The following ME3 variants were observed in gnomAD, a reference collection of about 807,000 sequenced individuals.
The protein encoded by ME3 is NADP-dependent malic enzyme, mitochondrial.
Under a neutral mutation model 68.9 loss-of-function variants are expected in ME3, and 48 were observed. The observed-to-expected ratio is 0.70, with a 90% CI of 0.55 to 0.89. ME3 has a LOEUF of 0.89. Among genes scored for constraint, ME3 ranks in the 40% least tolerant of loss-of-function variants. The pLI is 0.00. For synonymous variants in ME3, 320 were observed against 318.8 expected (o/e 1.00, Z -0.04); for missense variants, 675 against 797.4 (o/e 0.85, Z 1.85).
intron 7 of ME3, among the ~76,000 whole-genome samples, chr11:86,475,899 A>AGAGG (rs1426382565): frequency 6.7e-6 from 1 of 149,248 alleles, no homozygotes; most frequent in Non-Finnish European, 1.5e-5. Flanking sequence ...AGAGAGAGAG[A>AGAGG]GAAAGAGAAA....
chr11:86,497,055 C>T (rs1952384094), intron 6 of ME3, among the ~76,000 whole-genome samples: 3 of 150,326 alleles, frequency 2.0e-5, no homozygotes, highest in Admixed American at 2.0e-4. Flanking sequence ...GATCTCGGCT[C>T]ACTGCAACCT....
intron 4 of ME3, among the ~76,000 whole-genome samples, chr11:86,521,924 A>C (rs1329341191): frequency 1.3e-5 from 2 of 152,152 alleles, no homozygotes; most frequent in South Asian, 4.1e-4. Context: ...CAGGTTCTAC[A>C]TCTTGGATTC....
At chr11:86,613,278 G>T (rs1269139866) in intron 2 of ME3, among the ~76,000 whole-genome samples, 1 of 152,052 alleles carries the variant, frequency 6.6e-6, no homozygotes, top group Non-Finnish European at 1.5e-5. Context: ...GTCCCTTTAT[G>T]TTAAAAACTC....
intron 2 of ME3, among the ~76,000 whole-genome samples, chr11:86,627,003 G>GAGGTGGAGAGAGGGAGAAGGGTT (rs1274648437): frequency 5.9e-5 from 9 of 152,206 alleles, no homozygotes; most frequent in Non-Finnish European, 1.3e-4. Flanking sequence ...GGAGAATTTA[G>GAGGTGGAGAGAGGGAGAAGGGTT]AGGTGGAGAG....
intron 2 of ME3, among the ~76,000 whole-genome samples, chr11:86,592,024 C>T (rs766323415): frequency 1.3e-5 from 2 of 152,182 alleles, no homozygotes; most frequent in African/African-American, 4.8e-5. Context: ...CAAACTAATA[C>T]ACTTCCTATG....
At chr11:86,587,225 AG>A (rs1958792412) in intron 2 of ME3, among the ~76,000 whole-genome samples, 1 of 152,194 alleles carries the variant, frequency 6.6e-6, no homozygotes, top group Non-Finnish European at 1.5e-5. Flanking sequence ...ATTTGGCTTG[AG>A]GCCAGTGCAG....
chr11:86,559,800 T>G, exon 3 of ME3: 1 of 1,613,992 alleles, frequency 6.2e-7, no homozygotes, highest in African/African-American at 1.3e-5. Flanking sequence ...GCTGCAGCCT[T>G]TCTTCAAGGG....
chr11:86,566,300 C>T (rs1957476536), intron 2 of ME3, among the ~76,000 whole-genome samples: 2 of 152,176 alleles, frequency 1.3e-5, no homozygotes, highest in African/African-American at 4.8e-5. Flanking sequence ...CAAGTTTCCT[C>T]CAAAAAGTGA....
intron 2 of ME3, among the ~76,000 whole-genome samples, chr11:86,577,368 G>C (rs1378950966): frequency 6.6e-6 from 1 of 152,186 alleles, no homozygotes; most frequent in Non-Finnish European, 1.5e-5. Flanking sequence ...TAGATTTCTG[G>C]AGGTTCAGGC....
chr11:86,534,676 AAATAAT>A (rs773693222), intron 4 of ME3, among the ~76,000 whole-genome samples: 15 of 151,668 alleles, frequency 9.9e-5, no homozygotes, highest in South Asian at 2.1e-4. Flanking sequence ...CTATATCTCA[AAATAAT>A]AATAATAATA....
intron 2 of ME3, among the ~76,000 whole-genome samples, chr11:86,652,889 G>A (rs533716250): frequency 6.7e-6 from 1 of 150,188 alleles, no homozygotes; most frequent in East Asian, 1.9e-4. Context: ...AAAATAAAGG[G>A]ATGAAGGAAG....
intron 2 of ME3, among the ~76,000 whole-genome samples, chr11:86,648,985 T>C (rs550691620): frequency 2.0e-5 from 3 of 151,328 alleles, no homozygotes; most frequent in South Asian, 4.2e-4. Flanking sequence ...ATCATCCTGA[T>C]ACCAAAATCT....
At chr11:86,568,550 A>C (rs1490873793) in intron 2 of ME3, among the ~76,000 whole-genome samples, 1 of 152,216 alleles carries the variant, frequency 6.6e-6, no homozygotes, top group African/African-American at 2.4e-5. Flanking sequence ...AGCCATGCCC[A>C]AGTTACCAGG....
chr11:86,486,453 A>G lies in ME3; in HGVS notation c.809+884T>C, dbSNP rs1951691252. On this transcript the variant is annotated intron_variant, in intron 7 of 14. Coordinates refer to ENST00000543262, the Ensembl canonical transcript of ME3. ...CAAATTACAGTTTGCCCACCCCTGAAGCCCACCCAGATGAGACTTTGTGCA... is the reference window on the plus strand; with the variant it reads ...CAAATTACAGTTTGCCCACCCCTGAGGCCCACCCAGATGAGACTTTGTGCA... Among the ~76,000 whole-genome samples, 3 of 152,250 alleles carry G rather than the reference A, an allele frequency of 2.0e-5. No individual in the cohort carries two copies. The South Asian group carries it at 6.2e-4, about 31-fold the overall frequency.
intron 2 of ME3, among the ~76,000 whole-genome samples, chr11:86,569,556 A>G (rs1957676184): frequency 6.6e-6 from 1 of 152,188 alleles, no homozygotes; most frequent in Non-Finnish European, 1.5e-5. Context: ...ACTAGATAAT[A>G]AACTCAGGGT....
intron 3 of ME3, among the ~76,000 whole-genome samples, chr11:86,557,243 C>T (rs969727499): frequency 6.6e-6 from 1 of 152,176 alleles, no homozygotes; most frequent in African/African-American, 2.4e-5. Context: ...GTTCCTGTCA[C>T]GAGTTGTGAT....
chr11:86,510,157 C>T, intron 4 of ME3, among the ~76,000 whole-genome samples: 1 of 152,130 alleles, frequency 6.6e-6, no homozygotes, highest in Non-Finnish European at 1.5e-5. Flanking sequence ...GTTCATCTTC[C>T]ATTCATTTCT....
chr11:86,441,378 C>G, exon 15 of ME3: 1 of 1,613,062 alleles, frequency 6.2e-7, no homozygotes, highest in Middle Eastern at 1.7e-4. Context: ...TTACAAAAGC[C>G]TCCTTGTCCT....
At chr11:86,622,894 C>T (rs1565228892) in intron 2 of ME3, 1 of 150,712 alleles carries the variant, frequency 6.6e-6, no homozygotes, top group Non-Finnish European at 1.5e-5. Flanking sequence ...AGCATGGACC[C>T]TGAAGGCGGA....
Sources: gnomAD v4.1 joint callset for allele counts (sites outside exome capture counted in the v4.1 genomes callset) on GRCh38, gnomAD v4.1.1 for gene constraint, MANE v1.5 for transcripts, NCBI Gene and HGNC (gene_info 2026-07-23, HGNC 2026-07-21) for gene names.